Variants in TRAF3IP1 observed in about 807,000 individuals in gnomAD.
TRAF3IP1 encodes intraflagellar transport 54.
In TRAF3IP1, 53 loss-of-function variants were observed where a neutral mutation model predicts 89.9. That is an observed-to-expected ratio of 0.59 (90% CI 0.47 to 0.74). TRAF3IP1 has a LOEUF of 0.74. Ranked by LOEUF, TRAF3IP1 falls within the 30% of genes least tolerant of loss-of-function variation. The pLI, the probability that TRAF3IP1 is intolerant of heterozygous loss-of-function variation, is 0.00. For synonymous variants in TRAF3IP1, 311 were observed against 322.1 expected, an observed-to-expected ratio of 0.97 and a Z score of 0.37; for missense variants, 806 against 866.1, an observed-to-expected ratio of 0.93 and a Z score of 0.87.
At position 238,325,800 on chromosome 2, in the gene TRAF3IP1, A is replaced by T. The variant is rs757556818; in HGVS notation, c.193-9A>T. ...TGTAATATTTGTATTTTCAATGGAAATGTTTCAGGATAAAGATGCAAAAAT... is the reference window on the plus strand; with the variant it reads ...TGTAATATTTGTATTTTCAATGGAATTGTTTCAGGATAAAGATGCAAAAAT... On this transcript the variant is annotated splice_polypyrimidine_tract_variant and intron_variant, in intron 2 of 16. Coordinates refer to ENST00000373327, the MANE Select transcript of TRAF3IP1 (RefSeq NM_015650.4). 8.7e-6 allele frequency: 14 copies of T among 1,608,332 alleles called. No individual in the cohort carries two copies. Among genetic ancestry groups the T allele is most frequent in the Non-Finnish European group, 1.2e-5 (14 of 1,177,444 alleles).
rs552171091 is a variant in TRAF3IP1, at chr2:238,385,625, C to G, written c.1690-11834C>G. On this transcript the variant is annotated intron_variant, in intron 15 of 16. Coordinates refer to ENST00000373327, the MANE Select transcript of TRAF3IP1 (RefSeq NM_015650.4). ...ATTTAGATATTCTACAACAGTGGTC[C>G]CCAACCTTTTTGCTACCAGGGACTG... is the stretch of plus-strand genomic sequence containing the variant. Among the ~76,000 whole-genome samples the G allele has an allele frequency of 3.3e-5, 5 of 152,224 alleles. No homozygotes were observed. The South Asian group carries it at 1.0e-3, about 32-fold the overall frequency.
chr2:238,385,046 C>G (rs766437179), intron 15 of TRAF3IP1, among the ~76,000 whole-genome samples: 1 of 151,818 alleles, frequency 6.6e-6, no homozygotes, highest in East Asian at 1.9e-4. Flanking sequence ...GATGGACTCT[C>G]GCTCTGTCCC....
intron 6 of TRAF3IP1, 108 bp downstream of exon 6, chr2:238,333,003 C>A: frequency 1.3e-6 from 1 of 770,068 alleles, no homozygotes; most frequent in Non-Finnish European, 2.2e-6. Context: ...AGCACATGGT[C>A]TGGGCCTATC....
rs781042264 is a variant in TRAF3IP1, at chr2:238,338,464, A to C, written c.1159+7A>C. On this transcript the variant is annotated splice_region_variant and intron_variant, in intron 8 of 16. Coordinates refer to ENST00000373327, the MANE Select transcript of TRAF3IP1 (RefSeq NM_015650.4). ...ACGACAACATCAGAAATAGGTAAGA[A>C]AAATATATTCTTTAGTTTAAATTCC... 6.0e-6 allele frequency: 9 copies of C among 1,493,474 alleles called. No homozygotes were observed. Among genetic ancestry groups the C allele is most frequent in the African/African-American group, 1.4e-5 (1 of 71,528 alleles). 92.5% of individuals were successfully genotyped at this position (1,493,474 alleles called of 1,614,324 possible).
At chr2:238,365,458 A>G (rs1699833442) in intron 15 of TRAF3IP1, among the ~76,000 whole-genome samples, 1 of 152,066 alleles carries the variant, frequency 6.6e-6, no homozygotes, top group Non-Finnish European at 1.5e-5. Context: ...CTTAGGAGTT[A>G]GATACCAGCC....
chr2:238,385,172 C>T (rs542312364), intron 15 of TRAF3IP1, among the ~76,000 whole-genome samples: 270 of 152,138 alleles, frequency 1.8e-3, no homozygotes, highest in African/African-American at 6.2e-3. Context: ...CCTGCCACCA[C>T]GCCCGGCTAA....
chr2:238,356,179 C>T (rs2106331374), intron 15 of TRAF3IP1, 99 bp downstream of exon 15: 1 of 968,922 alleles, frequency 1.0e-6, no homozygotes, highest in Non-Finnish European at 1.6e-6. Flanking sequence ...TTACCATTAT[C>T]AGTGATGTCT....
At chr2:238,354,626 A>T (rs1699323959) in intron 14 of TRAF3IP1, among the ~76,000 whole-genome samples, 1 of 151,824 alleles carries the variant, frequency 6.6e-6, no homozygotes, top group Non-Finnish European at 1.5e-5. Flanking sequence ...GAAGGATTTT[A>T]TTTTATTTTA....
intron 15 of TRAF3IP1, among the ~76,000 whole-genome samples, chr2:238,361,970 G>A (rs1408895311): frequency 6.6e-6 from 1 of 152,158 alleles, no homozygotes; most frequent in Non-Finnish European, 1.5e-5. Flanking sequence ...CAGGGAGGCC[G>A]CTGGCTCTCC....
At chr2:238,390,980 G>A (rs11684080) in intron 15 of TRAF3IP1, among the ~76,000 whole-genome samples, 32,063 of 151,952 alleles carry the variant, frequency 0.21, 4,086 homozygotes, top group South Asian at 0.28. Context: ...GAGAAAAAAG[G>A]GTTTCGCTCT....
chr2:238,374,512 G>A (rs760012247), intron 15 of TRAF3IP1, among the ~76,000 whole-genome samples: 1 of 152,130 alleles, frequency 6.6e-6, no homozygotes, highest in African/African-American at 2.4e-5. Flanking sequence ...TTTTTGATGT[G>A]CTGCTGGATT....
intron 12 of TRAF3IP1, among the ~76,000 whole-genome samples, chr2:238,349,931 C>T (rs1699071992): frequency 6.6e-6 from 1 of 151,932 alleles, no homozygotes; most frequent in African/African-American, 2.4e-5. Flanking sequence ...GTTAGCTGGG[C>T]GTGGTGGCGT....
intron 15 of TRAF3IP1, among the ~76,000 whole-genome samples, chr2:238,384,871 G>A (rs1279632466): frequency 1.3e-5 from 2 of 152,152 alleles, no homozygotes; most frequent in Non-Finnish European, 2.9e-5. Context: ...TCGAAACTCT[G>A]TTTCCTAATA....
intron 6 of TRAF3IP1, among the ~76,000 whole-genome samples, chr2:238,333,265 C>T (rs1441951163): frequency 2.0e-5 from 3 of 152,028 alleles, no homozygotes; most frequent in Non-Finnish European, 2.9e-5. Flanking sequence ...TGGGAGGGAC[C>T]CCTCCAACCT....
Position 238,399,108 on chromosome 2 carries a change from C to T in TRAF3IP1, c.*189C>T. On this transcript the variant is annotated 3_prime_UTR_variant, in exon 17 of 17. Transcript: ENST00000373327. Reference sequence around the variant, plus strand: ...GTATTAAAAAAACCATGTTTTCTTACCTCCTTCCAGATGGAATACTGGCTA... The same window carrying T: ...GTATTAAAAAAACCATGTTTTCTTATCTCCTTCCAGATGGAATACTGGCTA... The T allele has an allele frequency of 1.8e-6, 1 of 545,202 alleles. No individual in the cohort carries two copies. The highest frequency in any genetic ancestry group is 3.1e-6 in the Non-Finnish European group (1 of 325,464). The allele number at this position is 545,202 out of a possible 1,614,324, so 33.8% of individuals were successfully genotyped here. A position where few individuals can be genotyped will look rare whatever the true frequency, so the allele number is the denominator to read the frequency against.
Position 238,320,801 on chromosome 2 carries a change from CG to C in TRAF3IP1, c.123+19del. 1 of 1,393,148 alleles carries C rather than the reference CG, an allele frequency of 7.2e-7. No homozygotes were observed. The highest frequency in any genetic ancestry group is 9.5e-7 in the Non-Finnish European group (1 of 1,056,502). The allele number at this position is 1,393,148 out of a possible 1,614,324, so 86.3% of individuals were successfully genotyped here. A position where few individuals can be genotyped will look rare whatever the true frequency, so the allele number is the denominator to read the frequency against. Reference sequence around the variant, plus strand: ...CATCACGGAGGTGGGCGCCGGGGACCGGGCCCGGCCAGGTGCGGGTCGGGAT... The same window carrying C: ...CATCACGGAGGTGGGCGCCGGGGACCGGCCCGGCCAGGTGCGGGTCGGGAT... On this transcript the variant is annotated intron_variant, in intron 1 of 16. Coordinates refer to ENST00000373327, the MANE Select transcript of TRAF3IP1 (RefSeq NM_015650.4).
chr2:238,344,736 C>T (rs1170335806), intron 9 of TRAF3IP1, 138 bp downstream of exon 9: 2 of 757,702 alleles, frequency 2.6e-6, no homozygotes, highest in Admixed American at 2.0e-5. Flanking sequence ...CAGTGATTCA[C>T]TTCTGCCTTT....
chr2:238,344,316 G>C (rs1367854816), intron 8 of TRAF3IP1, among the ~76,000 whole-genome samples, 181 bp from the exon 9 acceptor site: 1 of 152,066 alleles, frequency 6.6e-6, no homozygotes, highest in Non-Finnish European at 1.5e-5. Context: ...AGCCGCCCAT[G>C]GGGGAGGAAC....
intron 15 of TRAF3IP1, among the ~76,000 whole-genome samples, chr2:238,359,019 G>A (rs945951201): frequency 6.6e-6 from 1 of 152,218 alleles, no homozygotes; most frequent in African/African-American, 2.4e-5. Context: ...CATGAATGCA[G>A]CCGCAGCATT....
Sources: allele counts gnomAD v4.1 joint callset (sites outside exome capture counted in the v4.1 genomes callset), GRCh38; gene constraint gnomAD v4.1.1; transcripts MANE v1.5; gene names NCBI Gene and HGNC (gene_info 2026-07-23, HGNC 2026-07-21).